The following NME9 variants were observed in gnomAD, a reference collection of about 807,000 sequenced individuals.
The protein encoded by NME9 is NME/NM23 family member 9.
Under a neutral mutation model 44.4 loss-of-function variants are expected in NME9, and 48 were observed. That is an observed-to-expected ratio of 1.08 (90% CI 0.86 to 1.37). The LOEUF is 1.37. Ranked by LOEUF, NME9 falls within the 40% of genes most tolerant of loss-of-function variation. The pLI, the probability that NME9 is intolerant of heterozygous loss-of-function variation, is 0.00. For missense variants in NME9, 325 were observed against 405.2 expected, an observed-to-expected ratio of 0.80 and a Z score of 1.70; for synonymous variants, 139 against 147.1, an observed-to-expected ratio of 0.94 and a Z score of 0.40.
intron 8 of NME9, among the ~76,000 whole-genome samples, chr3:138,269,681 C>T (rs1000379987): frequency 5.9e-5 from 9 of 151,992 alleles, no homozygotes; most frequent in Non-Finnish European, 1.0e-4. Context: ...AGAGTCTCAG[C>T]GAAAGATGAG....
At chr3:138,305,345 A>G (rs566868238) in intron 8 of NME9, among the ~76,000 whole-genome samples, 3 of 152,354 alleles carry the variant, frequency 2.0e-5, no homozygotes, top group East Asian at 3.9e-4. Flanking sequence ...GACCATATCT[A>G]TGGAAATCGT....
chr3:138,324,655 T>C, intron 2 of NME9: 1 of 644,804 alleles, frequency 1.6e-6, no homozygotes, highest in Non-Finnish European at 2.9e-6. Context: ...AAGTACTGAC[T>C]CATTTCCTGA....
chr3:138,271,768 T>C (rs1289292338), intron 8 of NME9, among the ~76,000 whole-genome samples: 1 of 151,928 alleles, frequency 6.6e-6, no homozygotes, highest in Non-Finnish European at 1.5e-5. Context: ...ACATATTATG[T>C]CTCTAGTTCA....
chr3:138,266,499 T>G (rs555941316), intron 8 of NME9, among the ~76,000 whole-genome samples: 1 of 152,210 alleles, frequency 6.6e-6, no homozygotes, highest in Admixed American at 6.5e-5. Context: ...AGTAGTCTTA[T>G]GTTTTTCATT....
intron 8 of NME9, among the ~76,000 whole-genome samples, chr3:138,268,968 G>GT (rs1223632643): frequency 1.3e-5 from 2 of 151,956 alleles, no homozygotes; most frequent in Non-Finnish European, 2.9e-5. Flanking sequence ...TAATATCCTT[G>GT]TTTTTAGGAA....
In NME9 at chr3:138,262,574, G is replaced by A. The variant is rs780003984; in HGVS notation, c.758C>T (p.Thr253Ile). Residue 253 changes from threonine to isoleucine, a missense_variant, in exon 9 of 9, where the codon ACA becomes ATA. Coordinates refer to the NME9 transcript ENST00000317876. ...GTCAGTGATCTTCAACCTTGGCTGT[G>A]TACTGGACTCACCTGAGGAGATTAA... The A allele has an allele frequency of 3.1e-6, 5 of 1,609,608 alleles. No homozygotes were observed. The Admixed American group carries it at 6.7e-5, about 22-fold the overall frequency.
At chr3:138,271,114 CTG>C (rs2048748620) in intron 8 of NME9, among the ~76,000 whole-genome samples, 1 of 152,166 alleles carries the variant, frequency 6.6e-6, no homozygotes, top group Non-Finnish European at 1.5e-5. Context: ...GCTATATCTG[CTG>C]TGTTTTTATA....
intron 8 of NME9, among the ~76,000 whole-genome samples, chr3:138,285,956 T>G (rs1215684397): frequency 6.6e-6 from 1 of 152,160 alleles, no homozygotes; most frequent in East Asian, 1.9e-4. Flanking sequence ...AAACTTCTTT[T>G]TATTTTGAGA....
intron 8 of NME9, chr3:138,289,195 CCTG>C: frequency 8.7e-7 from 1 of 1,154,242 alleles, no homozygotes. Context: ...AGCAGGTGCC[CCTG>C]AGATCCTGGG....
intron 8 of NME9, among the ~76,000 whole-genome samples, chr3:138,284,980 G>T (rs1416944536): frequency 6.6e-6 from 1 of 152,206 alleles, no homozygotes; most frequent in African/African-American, 2.4e-5. Flanking sequence ...ACTGCCCATT[G>T]CCAAAATGTG....
At chr3:138,266,081 A>G (rs937379875) in intron 8 of NME9, among the ~76,000 whole-genome samples, 3 of 152,164 alleles carry the variant, frequency 2.0e-5, no homozygotes, top group Admixed American at 1.3e-4. Flanking sequence ...TTCTTTAACA[A>G]CTTATTTTCA....
chr3:138,290,522 A>G (rs1577054197), intron 8 of NME9: 1 of 1,554,400 alleles, frequency 6.4e-7, no homozygotes, highest in African/African-American at 1.4e-5. Context: ...TCATGTTCCC[A>G]GTAACCTGGC....
At chr3:138,318,719 A>G (rs1027194021) in intron 3 of NME9, among the ~76,000 whole-genome samples, 1 of 152,192 alleles carries the variant, frequency 6.6e-6, no homozygotes, top group Non-Finnish European at 1.5e-5. Flanking sequence ...TTCACTGCCT[A>G]TGAACCTCAA....
At chr3:138,274,326 C>T (rs900828372) in intron 8 of NME9, 1 of 641,516 alleles carries the variant, frequency 1.6e-6, no homozygotes, top group African/African-American at 1.8e-5. Context: ...GCATCTAGTT[C>T]TATATGCTAT....
chr3:138,271,790 T>TTTC (rs2048813953), intron 8 of NME9, among the ~76,000 whole-genome samples: 4 of 149,934 alleles, frequency 2.7e-5, no homozygotes, highest in African/African-American at 1.0e-4. Flanking sequence ...AAGATTTTTT[T>TTTC]TTTCTTTCTT....
intron 6 of NME9, 115 bp from the exon 7 acceptor site, chr3:138,306,595 G>T: frequency 4.5e-6 from 3 of 665,410 alleles, no homozygotes; most frequent in South Asian, 1.9e-5. Flanking sequence ...CCAGGCACAG[G>T]CTTGGGCTCT....
chr3:138,266,801 A>G (rs1217504615), intron 8 of NME9, among the ~76,000 whole-genome samples: 2 of 152,186 alleles, frequency 1.3e-5, no homozygotes, highest in African/African-American at 4.8e-5. Context: ...CTGTAGACTC[A>G]TAAGGGGCTT....
At chr3:138,277,254 A>AT (rs1174191713) in intron 8 of NME9, among the ~76,000 whole-genome samples, 1 of 152,232 alleles carries the variant, frequency 6.6e-6, no homozygotes, top group Non-Finnish European at 1.5e-5. Flanking sequence ...CACACTTGAG[A>AT]TAAAAATTTA....
chr3:138,278,357 T>C (rs537182246), intron 8 of NME9, among the ~76,000 whole-genome samples: 1 of 151,880 alleles, frequency 6.6e-6, no homozygotes, highest in South Asian at 2.1e-4. Context: ...AATACAAAAA[T>C]TAGCCAGGTA....
Sources: gnomAD v4.1 joint callset for allele counts (sites outside exome capture counted in the v4.1 genomes callset) on GRCh38, gnomAD v4.1.1 for gene constraint, MANE v1.5 for transcripts, NCBI Gene and HGNC (gene_info 2026-07-23, HGNC 2026-07-21) for gene names.